CTPS2: variants seen among roughly 807,000 people sequenced by gnomAD.
The protein encoded by CTPS2 is CTP synthase 2.
Under a neutral mutation model 46.8 loss-of-function variants are expected in CTPS2, and 19 were observed. That is an observed-to-expected ratio of 0.41 (90% CI 0.28 to 0.60). The LOEUF (loss-of-function observed/expected upper bound fraction) is 0.60, where lower values mean the gene tolerates loss of function less well. Among genes scored for constraint, CTPS2 ranks in the 20% least tolerant of loss-of-function variants. The pLI, the probability that CTPS2 is intolerant of heterozygous loss-of-function variation, is 0.35. For missense variants in CTPS2, 286 were observed against 447.6 expected (o/e 0.64, Z 3.26); for synonymous variants, 151 against 165.2 (o/e 0.91, Z 0.66).
chrX:16,691,906 T>A (rs1391297337), intron 6 of CTPS2, among the ~76,000 whole-genome samples: 1 of 112,116 alleles, frequency 8.9e-6, no homozygotes, highest in Non-Finnish European at 1.9e-5. Context: ...AACAAACTTT[T>A]TCTCAAAAGG....
chrX:16,698,203 G>A (rs775497353), intron 4 of CTPS2, 33 bp downstream of exon 4: 1 of 995,443 alleles, frequency 1.0e-6, no homozygotes, highest in Non-Finnish European at 1.4e-6. Flanking sequence ...GACCCAGCAG[G>A]ATATAATTTT....
intron 10 of CTPS2, among the ~76,000 whole-genome samples, 187 bp from the exon 11 acceptor site, chrX:16,670,861 T>A (rs1921687837): frequency 9.0e-6 from 1 of 111,473 alleles, no homozygotes; most frequent in Admixed American, 9.6e-5. Flanking sequence ...TATGAAGAAA[T>A]TGTGACAATT....
chrX:16,635,649 G>A (rs751997885), intron 14 of CTPS2, among the ~76,000 whole-genome samples: 2 of 112,006 alleles, frequency 1.8e-5, no homozygotes, highest in African/African-American at 3.2e-5. Context: ...ACTCCAACCT[G>A]GGCAACAAGA....
At chrX:16,648,695 T>C (rs1009986249) in intron 13 of CTPS2, among the ~76,000 whole-genome samples, 1 of 112,305 alleles carries the variant, frequency 8.9e-6, no homozygotes, top group Non-Finnish European at 1.9e-5. Context: ...ACATATTCTA[T>C]ATTGGTGCAT....
chrX:16,707,099 A>G (rs1177626783), intron 1 of CTPS2, among the ~76,000 whole-genome samples: 1 of 111,204 alleles, frequency 9.0e-6, no homozygotes, highest in Non-Finnish European at 1.9e-5. Flanking sequence ...TTCTAAATTT[A>G]TAGATCTTGT....
At chrX:16,661,229 G>T (rs973798300) in intron 13 of CTPS2, among the ~76,000 whole-genome samples, 9 of 110,957 alleles carry the variant, frequency 8.1e-5, no homozygotes, top group African/African-American at 2.9e-4. Context: ...CAAAGTGCTG[G>T]GATTACAGGT....
chrX:16,695,604 T>G (rs918050728), intron 4 of CTPS2, among the ~76,000 whole-genome samples: 1 of 110,789 alleles, frequency 9.0e-6, no homozygotes, highest in African/African-American at 3.3e-5. Context: ...CAGGCTGGAG[T>G]GCAATGGCGC....
intron 14 of CTPS2, among the ~76,000 whole-genome samples, chrX:16,635,898 T>C (rs994452560): frequency 9.0e-6 from 1 of 111,499 alleles, no homozygotes; most frequent in Non-Finnish European, 1.9e-5. Context: ...CATACTTTTC[T>C]TTCCCTTTAG....
At chrX:16,674,763 A>G (rs12013659) in intron 10 of CTPS2, among the ~76,000 whole-genome samples, 1,343 of 107,237 alleles carry the variant, frequency 0.013, 20 homozygotes, top group African/African-American at 0.042. Flanking sequence ...ACATGAACCC[A>G]GGAGGCAGAG....
At chrX:16,664,623 A>G in intron 13 of CTPS2, among the ~76,000 whole-genome samples, 1 of 112,136 alleles carries the variant, frequency 8.9e-6, no homozygotes, top group Middle Eastern at 4.6e-3. Context: ...GGGAAGATGA[A>G]CCAAGAAAAA....
chrX:16,602,442 C>T (rs1029558417), intron 17 of CTPS2, among the ~76,000 whole-genome samples: 1 of 111,096 alleles, frequency 9.0e-6, no homozygotes, highest in Admixed American at 9.6e-5. Flanking sequence ...TGTCACCTCC[C>T]AAAATTTAGA....
intron 9 of CTPS2, among the ~76,000 whole-genome samples, chrX:16,680,157 G>A (rs1922617756): frequency 9.0e-6 from 1 of 111,526 alleles, no homozygotes; most frequent in Non-Finnish European, 1.9e-5. Context: ...CAGTACTTAG[G>A]AGAAGCTAAT....
chrX:16,650,344 T>C (rs1932543437), intron 13 of CTPS2: 1 of 110,706 alleles, frequency 9.0e-6, no homozygotes, highest in Non-Finnish European at 1.9e-5. Context: ...ACTTAGAAGC[T>C]AGAAGCTGTG....
chrX:16,628,367 TTTTTG>T (rs373350855), intron 14 of CTPS2, among the ~76,000 whole-genome samples: 9 of 111,221 alleles, frequency 8.1e-5, no homozygotes, highest in African/African-American at 2.9e-4. Flanking sequence ...TTTTTTGTTC[TTTTTG>T]TTTTGTTTTT....
At chrX:16,676,645 TCTAA>T (rs1224629951) in intron 10 of CTPS2, among the ~76,000 whole-genome samples, 1 of 112,141 alleles carries the variant, frequency 8.9e-6, no homozygotes, top group East Asian at 2.8e-4. Flanking sequence ...AGAACTATGG[TCTAA>T]CTGTTATTAT....
chrX:16,705,425 C>G (rs1002779013), intron 1 of CTPS2, among the ~76,000 whole-genome samples: 4 of 111,377 alleles, frequency 3.6e-5, no homozygotes, highest in African/African-American at 1.3e-4. Context: ...TGTGGACTTG[C>G]GTGCCTTCAT....
chrX:16,613,481 C>G (rs1318402873), intron 16 of CTPS2, among the ~76,000 whole-genome samples: 1 of 111,564 alleles, frequency 9.0e-6, no homozygotes, highest in Non-Finnish European at 1.9e-5. Context: ...GCAGAATCTG[C>G]AGGACTTGAC....
chrX:16,630,796 A>G (rs969075824), intron 14 of CTPS2, among the ~76,000 whole-genome samples: 4 of 112,414 alleles, frequency 3.6e-5, no homozygotes, highest in African/African-American at 6.5e-5. Flanking sequence ...ATGGCTGGAC[A>G]AAATGAAGAA....
chrX:16,663,897 GCA>G (rs1933056737), intron 13 of CTPS2, among the ~76,000 whole-genome samples: 2 of 110,706 alleles, frequency 1.8e-5, no homozygotes, highest in Non-Finnish European at 3.8e-5. Context: ...GTACAGTGGT[GCA>G]ATCTCGGCTC....
Sources: allele counts gnomAD v4.1 joint callset (sites outside exome capture counted in the v4.1 genomes callset), GRCh38; gene constraint gnomAD v4.1.1; transcripts MANE v1.5; gene names NCBI Gene and HGNC (gene_info 2026-07-23, HGNC 2026-07-21).